Variants in XPR1 observed in about 807,000 individuals in gnomAD.
The protein encoded by XPR1 is xenotropic and polytropic retrovirus receptor 1.
Under a neutral mutation model 87.5 loss-of-function variants are expected in XPR1, and 28 were observed. The observed-to-expected ratio is 0.32, with a 90% confidence interval of 0.24 to 0.44. XPR1 has a LOEUF of 0.44. XPR1 is among the 20% of genes least tolerant of loss of function. The probability of loss-of-function intolerance (pLI) is 1.00; values close to 1 mark genes in which losing one functional copy is unlikely to be tolerated. For missense variants in XPR1, 559 were observed against 862.3 expected (o/e 0.65, Z 4.41); for synonymous variants, 300 against 306.1 (o/e 0.98, Z 0.21).
intron 14 of XPR1, among the ~76,000 whole-genome samples, chr1:180,880,817 C>G (rs995988208): frequency 2.1e-5 from 3 of 141,836 alleles, no homozygotes; most frequent in African/African-American, 5.1e-5. Context: ...CTATTTTTAT[C>G]TTCTTATTAA....
intron 11 of XPR1, among the ~76,000 whole-genome samples, chr1:180,862,867 A>T (rs80332234): frequency 0.034 from 5,174 of 152,214 alleles, 131 homozygotes; most frequent in African/African-American, 0.07. Flanking sequence ...CCATATTAGT[A>T]GTTATATACC....
intron 7 of XPR1, among the ~76,000 whole-genome samples, chr1:180,822,433 A>G (rs1650670887): frequency 6.6e-6 from 1 of 152,176 alleles, no homozygotes; most frequent in East Asian, 1.9e-4. Flanking sequence ...TACCTAAAAT[A>G]ACACCTAACA....
chr1:180,766,606 C>A (rs1648296908), intron 2 of XPR1, among the ~76,000 whole-genome samples: 1 of 151,626 alleles, frequency 6.6e-6, no homozygotes, highest in African/African-American at 2.4e-5. Flanking sequence ...TAAAAAAAAA[C>A]CTTTTGTGAA....
In XPR1 at chr1:180,886,364, T is replaced by G. The variant is rs937719570; in HGVS notation, c.*2298T>G. The G allele has an allele frequency of 1.3e-5, 2 of 152,260 alleles. No individual in the cohort carries two copies. The highest frequency in any genetic ancestry group is 1.5e-5 in the Non-Finnish European group (1 of 68,046). 9.4% of individuals were successfully genotyped at this position (152,260 alleles called of 1,614,324 possible). A position where few individuals can be genotyped will look rare whatever the true frequency, so the allele number is the denominator to read the frequency against. The stretch of plus-strand genomic sequence containing the variant: ...TGTGTATCCAGAGACATTTGAATTA[T>G]TAACTTTATTCTTTATTAGTGAATC... On this transcript the variant is annotated 3_prime_UTR_variant, in exon 15 of 15. Transcript: ENST00000367590.
intron 2 of XPR1, among the ~76,000 whole-genome samples, chr1:180,683,927 A>G (rs1557955551): frequency 6.6e-6 from 1 of 151,936 alleles, no homozygotes; most frequent in Non-Finnish European, 1.5e-5. Flanking sequence ...GTTCACTCTG[A>G]TGGTAGTTTC....
At chr1:180,873,671 C>T in intron 12 of XPR1, 132 bp from the exon 13 acceptor site, 2 of 999,290 alleles carry the variant, frequency 2.0e-6, no homozygotes, top group South Asian at 2.0e-5. Context: ...AAATAAAGTA[C>T]AACTTTCCTC....
At chr1:180,786,577 T>G (rs1345884322) in intron 2 of XPR1, among the ~76,000 whole-genome samples, 1 of 152,172 alleles carries the variant, frequency 6.6e-6, no homozygotes, top group Non-Finnish European at 1.5e-5. Flanking sequence ...TGAAGTTACA[T>G]ATATCTCTAC....
intron 11 of XPR1, among the ~76,000 whole-genome samples, chr1:180,845,431 C>G (rs563320900): frequency 6.6e-6 from 1 of 152,312 alleles, no homozygotes; most frequent in Middle Eastern, 3.4e-3. Flanking sequence ...CTTACAGTAA[C>G]TGCATAGTAT....
chr1:180,761,276 G>T lies in XPR1; in HGVS notation c.122-26477G>T, dbSNP rs899149271. On this transcript the variant is annotated intron_variant, in intron 2 of 14. Coordinates refer to ENST00000367590, the MANE Select transcript of XPR1 (RefSeq NM_004736.4). ...AAAGCCAAAATTGACAAATGGGATC[G>T]AATTAAACTAAAGAGCTTCTGCACA... Among the ~76,000 whole-genome samples, 332 of 152,100 alleles carry T rather than the reference G, an allele frequency of 2.2e-3. 1 individual carries two copies. Among genetic ancestry groups the T allele is most frequent in the Admixed American group, 1.0e-2 (152 of 15,272 alleles).
intron 2 of XPR1, among the ~76,000 whole-genome samples, chr1:180,708,715 T>C (rs1657639905): frequency 6.6e-6 from 1 of 152,086 alleles, no homozygotes; most frequent in African/African-American, 2.4e-5. Context: ...ATTTGAAATA[T>C]CATGCAACTA....
intron 13 of XPR1, among the ~76,000 whole-genome samples, chr1:180,875,263 A>G (rs954065738): frequency 1.3e-5 from 2 of 152,200 alleles, no homozygotes; most frequent in Non-Finnish European, 1.5e-5. Flanking sequence ...TAATCCCAGC[A>G]TTTTGGAAGG....
intron 2 of XPR1, among the ~76,000 whole-genome samples, chr1:180,714,350 TCTCTC>T (rs1254314412): frequency 7.7e-4 from 5 of 6,502 alleles, no homozygotes; most frequent in African/African-American, 2.6e-3. Context: ...TTTTCCCTGT[TCTCTC>T]TCTCTCTCTC....
chr1:180,819,514 A>G (rs926822800), intron 7 of XPR1, among the ~76,000 whole-genome samples: 1 of 152,096 alleles, frequency 6.6e-6, no homozygotes, highest in Admixed American at 6.5e-5. Flanking sequence ...ATGTGTTTAG[A>G]TTTTATAAAT....
intron 11 of XPR1, 61 bp from the exon 12 acceptor site, chr1:180,863,647 A>G: frequency 1.4e-6 from 2 of 1,448,452 alleles, no homozygotes; most frequent in South Asian, 3.0e-5. Context: ...AGTGTTATTA[A>G]TGAAAAATTT....
At chr1:180,744,834 G>C (rs1557985774) in intron 2 of XPR1, among the ~76,000 whole-genome samples, 1 of 151,602 alleles carries the variant, frequency 6.6e-6, no homozygotes, top group African/African-American at 2.4e-5. Flanking sequence ...TGTATTTTTA[G>C]TAGAGACGGG....
chr1:180,679,974 A>C (rs1656508966), intron 1 of XPR1, among the ~76,000 whole-genome samples: 1 of 152,178 alleles, frequency 6.6e-6, no homozygotes, highest in Admixed American at 6.6e-5. Context: ...AAATATCTGG[A>C]CACTACTCAC....
At chr1:180,718,669 A>AT (rs34441510) in intron 2 of XPR1, among the ~76,000 whole-genome samples, 45,979 of 134,752 alleles carry the variant, frequency 0.34, 8,288 homozygotes, top group Non-Finnish European at 0.39. Context: ...GAGCATCTGT[A>AT]TTTTTTTTTT....
At chr1:180,650,619 A>T (rs2101903698) in intron 1 of XPR1, among the ~76,000 whole-genome samples, 1 of 152,362 alleles carries the variant, frequency 6.6e-6, no homozygotes. Flanking sequence ...TTTCATTGAT[A>T]CCTCTAGTAA....
chr1:180,759,480 C>T (rs945313158), intron 2 of XPR1, among the ~76,000 whole-genome samples: 6 of 152,132 alleles, frequency 3.9e-5, no homozygotes, highest in African/African-American at 9.7e-5. Context: ...GAGAATACTA[C>T]AAACACCTCT....
Sources: allele counts gnomAD v4.1 joint callset (sites outside exome capture counted in the v4.1 genomes callset), GRCh38; gene constraint gnomAD v4.1.1; transcripts MANE v1.5; gene names NCBI Gene and HGNC (gene_info 2026-07-23, HGNC 2026-07-21).